Variants in RAP1B observed in about 807,000 individuals in gnomAD.
RAP1B encodes RAP1B, member of RAS oncogene family, also known as ras-related protein Rap-1b.
Under a neutral mutation model 27.5 loss-of-function variants are expected in RAP1B, and 1 was observed. The observed-to-expected ratio is 0.04, with a 90% confidence interval of 0.01 to 0.17. The LOEUF is 0.17. Ranked by LOEUF, RAP1B falls within the 10% of genes least tolerant of loss-of-function variation. The pLI is 1.00. For synonymous variants in RAP1B, 75 were observed against 73.1 expected (o/e 1.03, Z -0.13); for missense variants, 84 against 214.8 (o/e 0.39, Z 3.81).
At chr12:68,626,971 C>G (rs114469877) in intron 1 of RAP1B, 1 of 1,530,426 alleles carries the variant, frequency 6.5e-7, no homozygotes, top group Non-Finnish European at 8.9e-7. Context: ...ACCATGTCTT[C>G]AAACTCATTG....
At chr12:68,637,026 T>C (rs530904199) in intron 1 of RAP1B, among the ~76,000 whole-genome samples, 2 of 152,138 alleles carry the variant, frequency 1.3e-5, no homozygotes, top group South Asian at 2.1e-4. Context: ...CTGTCAATAA[T>C]TGATGTGAAC....
rs375404868 is a variant in RAP1B at position 68,668,808 on chromosome 12, A to T, written c.*9559A>T. On this transcript the variant is annotated 3_prime_UTR_variant, in exon 8 of 8. Transcript: ENST00000250559. ...TGGCTTGATACTGCTTGAAAGTGACATTTCTAGATTAAAGATCTGATAAGC... is the reference window on the plus strand; with the variant it reads ...TGGCTTGATACTGCTTGAAAGTGACTTTTCTAGATTAAAGATCTGATAAGC... The T allele has an allele frequency of 5.3e-5, 8 of 152,288 alleles. No individual in the cohort carries two copies. In the East Asian group the frequency reaches 1.4e-3, roughly 26 times the overall value. The allele number at this position is 152,288 out of a possible 1,614,324, so 9.4% of individuals were successfully genotyped here. A position where few individuals can be genotyped will look rare whatever the true frequency, so the allele number is the denominator to read the frequency against.
At chr12:68,619,285 A>T (rs1345405402) in intron 1 of RAP1B, among the ~76,000 whole-genome samples, 2 of 152,192 alleles carry the variant, frequency 1.3e-5, no homozygotes, top group Non-Finnish European at 2.9e-5. Flanking sequence ...GCTTTAGGGA[A>T]AATAGTGGTA....
At chr12:68,619,681 A>G (rs1871261003) in intron 1 of RAP1B, among the ~76,000 whole-genome samples, 4 of 152,162 alleles carry the variant, frequency 2.6e-5, no homozygotes, top group Admixed American at 2.6e-4. Context: ...CTTTGCTCTC[A>G]GTGTTTAATG....
Position 68,657,209 on chromosome 12 carries a change from C to G in RAP1B, c.*22C>G, listed in dbSNP as rs1183449008. 2 of 1,572,900 alleles carry G rather than the reference C, an allele frequency of 1.3e-6. No individual in the cohort carries two copies. The highest frequency in any genetic ancestry group is 2.2e-5 in the South Asian group (2 of 89,916). On this transcript the variant is annotated 3_prime_UTR_variant, in exon 7 of 8. Coordinates refer to ENST00000250559, the MANE Select transcript of RAP1B (RefSeq NM_001010942.3). ...TTAATATACTAAATGCATTGTAGCT[C>G]TGAGCCAGGTATGTTCACTTATCTT...
At chr12:68,656,551 T>G (rs1485693511) in intron 6 of RAP1B, 102 bp downstream of exon 6, 1 of 1,218,084 alleles carries the variant, frequency 8.2e-7, no homozygotes. Context: ...CAGGGTAATA[T>G]GTTGATGTTA....
chr12:68,615,919 T>C (rs1275574029), intron 1 of RAP1B, among the ~76,000 whole-genome samples: 5 of 152,066 alleles, frequency 3.3e-5, no homozygotes, highest in Non-Finnish European at 7.4e-5. Flanking sequence ...GCAGATAGAC[T>C]GAATAAAGGA....
chr12:68,617,430 A>G (rs1206930982), intron 1 of RAP1B, among the ~76,000 whole-genome samples: 2 of 152,220 alleles, frequency 1.3e-5, no homozygotes, highest in Admixed American at 1.3e-4. Flanking sequence ...GAGATATATA[A>G]CATATGTTAT....
chr12:68,631,206 A>G (rs1872212520), intron 1 of RAP1B, among the ~76,000 whole-genome samples: 1 of 152,186 alleles, frequency 6.6e-6, no homozygotes, highest in African/African-American at 2.4e-5. Flanking sequence ...GCAGATACTT[A>G]ATATCCATAT....
chr12:68,642,558 T>C lies in RAP1B; in HGVS notation c.-26-6141T>C, dbSNP rs535453530. 8.4e-6 allele frequency: 9 copies of C among 1,066,144 alleles called. No homozygotes were observed. In the African/African-American group the frequency reaches 1.4e-4, roughly 17 times the overall value. The allele number at this position is 1,066,144 out of a possible 1,614,324, so 66.0% of individuals were successfully genotyped here. The stretch of plus-strand genomic sequence containing the variant: ...TGGTGAGGCCAATAAGGATACTTTT[T>C]CTCGTCTAATTTGGTTTCTGGGAAA... On this transcript the variant is annotated intron_variant, in intron 1 of 7. Coordinates refer to ENST00000250559, the MANE Select transcript of RAP1B (RefSeq NM_001010942.3).
intron 6 of RAP1B, among the ~76,000 whole-genome samples, chr12:68,656,839 T>C (rs1416719369): frequency 4.6e-5 from 7 of 152,202 alleles, no homozygotes; most frequent in African/African-American, 1.7e-4. Flanking sequence ...ATTTTTTCTT[T>C]GTGTGATGGT....
intron 7 of RAP1B, chr12:68,657,734 AC>A: frequency 1.6e-5 from 1 of 64,092 alleles, no homozygotes. Context: ...AAACACACAC[AC>A]ACACACACAC....
intron 5 of RAP1B, among the ~76,000 whole-genome samples, chr12:68,654,792 A>AGGTGCC (rs2135967223): frequency 6.6e-6 from 1 of 152,308 alleles, no homozygotes; most frequent in Non-Finnish European, 1.5e-5. Context: ...TTATTAATTT[A>AGGTGCC]GGTGCCCCTT....
chr12:68,634,926 T>C (rs1427189707), intron 1 of RAP1B, among the ~76,000 whole-genome samples: 1 of 152,214 alleles, frequency 6.6e-6, no homozygotes, highest in Non-Finnish European at 1.5e-5. Flanking sequence ...GGGAATTTTT[T>C]TCTTTCTTGA....
chr12:68,625,104 C>T (rs1354446567), intron 1 of RAP1B, among the ~76,000 whole-genome samples: 1 of 152,190 alleles, frequency 6.6e-6, no homozygotes, highest in East Asian at 1.9e-4. Flanking sequence ...GTAGAATTGC[C>T]ATGATAGGCA....
At chr12:68,619,647 T>G (rs1871258218) in intron 1 of RAP1B, among the ~76,000 whole-genome samples, 1 of 152,220 alleles carries the variant, frequency 6.6e-6, no homozygotes, top group Non-Finnish European at 1.5e-5. Context: ...GTCTAATGTA[T>G]TTTGTATTAC....
chr12:68,668,437 T>A lies in RAP1B; in HGVS notation c.*9188T>A, dbSNP rs1874938846. 6.6e-6 allele frequency: 1 copy of A among 152,222 alleles called. No individual in the cohort carries two copies. The highest frequency in any genetic ancestry group is 6.5e-5 in the Admixed American group (1 of 15,280). The allele number at this position is 152,222 out of a possible 1,614,324, so 9.4% of individuals were successfully genotyped here. ...TGTCACAATTGGCTCGACTGCTTTATCTCACTTTGAAAAAGAAAAGTTACA... is the reference window on the plus strand; with the variant it reads ...TGTCACAATTGGCTCGACTGCTTTAACTCACTTTGAAAAAGAAAAGTTACA... On this transcript the variant is annotated 3_prime_UTR_variant, in exon 8 of 8. Coordinates refer to ENST00000250559, the MANE Select transcript of RAP1B (RefSeq NM_001010942.3).
intron 1 of RAP1B, among the ~76,000 whole-genome samples, chr12:68,647,380 A>ACC (rs1565670481): frequency 4.2e-4 from 2 of 4,792 alleles, no homozygotes; most frequent in Non-Finnish European, 7.5e-4. Context: ...CCCCCACTCC[A>ACC]CTCCCCGCCC....
At chr12:68,656,202 G>A (rs1874193281) in intron 5 of RAP1B, 104 bp from the exon 6 acceptor site, 2 of 969,516 alleles carry the variant, frequency 2.1e-6, no homozygotes, top group South Asian at 3.4e-5. Flanking sequence ...ATTTTTTGTG[G>A]CATATGAAAA....
Sources: allele counts gnomAD v4.1 joint callset (sites outside exome capture counted in the v4.1 genomes callset), GRCh38; gene constraint gnomAD v4.1.1; transcripts MANE v1.5; gene names NCBI Gene and HGNC (gene_info 2026-07-23, HGNC 2026-07-21).